Variants in RGS21 observed in about 807,000 individuals in gnomAD.
RGS21 encodes the protein regulator of G-protein signalling 21.
In RGS21, 19 loss-of-function variants were observed where a neutral mutation model predicts 18.7. The ratio of observed to expected loss-of-function variants is 1.01; its 90% CI spans 0.71 to 1.49. RGS21 has a LOEUF of 1.49. Among genes scored for constraint, RGS21 ranks in the 40% most tolerant of loss-of-function variants. The probability of loss-of-function intolerance (pLI) is 0.00; values close to 1 mark genes in which losing one functional copy is unlikely to be tolerated. For missense variants in RGS21, 194 were observed against 176.8 expected, an observed-to-expected ratio of 1.10 and a Z score of -0.55; for synonymous variants, 56 against 57.8, an observed-to-expected ratio of 0.97 and a Z score of 0.14.
chr1:192,355,780 A>T (rs1659103250), intron 4 of RGS21, among the ~76,000 whole-genome samples: 2 of 151,148 alleles, frequency 1.3e-5, no homozygotes, highest in Non-Finnish European at 3.0e-5. Context: ...AAATAATAAT[A>T]TTTTCATATT....
At chr1:192,318,953 G>A (rs955751166) in intron 1 of RGS21, among the ~76,000 whole-genome samples, 1 of 152,052 alleles carries the variant, frequency 6.6e-6, no homozygotes, top group Non-Finnish European at 1.5e-5. Context: ...TTCAAGAGTG[G>A]GTAGAGTGGC....
At chr1:192,324,094 C>A (rs1658532075) in intron 1 of RGS21, among the ~76,000 whole-genome samples, 1 of 151,952 alleles carries the variant, frequency 6.6e-6, no homozygotes, top group Admixed American at 6.6e-5. Flanking sequence ...CACATGTAAT[C>A]ATTATTAACT....
At position 192,366,100 on chromosome 1, in the gene RGS21, TA is replaced by T; in HGVS notation, c.441del (p.Lys147AsnfsTer12). ...TAAATAGCCAACAGGTTCCAAATCA[TA>T]AAAAATGGCTCCCTTTTTTGTGAGG... The part of the protein sequence containing the change: ...LVNSQQVPNH[K>X]KWLPFL On this transcript the variant is annotated frameshift_variant, in exon 5 of 5. Transcript: ENST00000417209. LOFTEE classifies it high-confidence loss of function. The T allele has an allele frequency of 6.2e-7, 1 of 1,606,130 alleles. No individual in the cohort carries two copies. Among genetic ancestry groups the T allele is most frequent in the Non-Finnish European group, 8.5e-7 (1 of 1,175,814 alleles).
intron 2 of RGS21, among the ~76,000 whole-genome samples, chr1:192,345,907 A>G (rs1476412993): frequency 6.6e-6 from 1 of 152,088 alleles, no homozygotes; most frequent in East Asian, 1.9e-4. Context: ...AGAGTACACA[A>G]AATATCTTCA....
chr1:192,359,244 G>C (rs1449432044), intron 4 of RGS21, among the ~76,000 whole-genome samples: 1 of 152,068 alleles, frequency 6.6e-6, no homozygotes, highest in Admixed American at 6.6e-5. Context: ...AGCTATTTAT[G>C]TCAGTAAATA....
At chr1:192,362,893 G>T (rs990194251) in intron 4 of RGS21, among the ~76,000 whole-genome samples, 1 of 151,954 alleles carries the variant, frequency 6.6e-6, no homozygotes, top group Non-Finnish European at 1.5e-5. Flanking sequence ...CAGTGTGCAA[G>T]GCATACTAAA....
At chr1:192,345,700 C>A (rs1330791665) in intron 2 of RGS21, among the ~76,000 whole-genome samples, 1 of 152,032 alleles carries the variant, frequency 6.6e-6, no homozygotes, top group Non-Finnish European at 1.5e-5. Flanking sequence ...TCCTCTCTAT[C>A]CTATTCATTA....
At chr1:192,362,634 C>T (rs530326638) in intron 4 of RGS21, among the ~76,000 whole-genome samples, 1 of 152,284 alleles carries the variant, frequency 6.6e-6, no homozygotes, top group South Asian at 2.1e-4. Context: ...TGATCATCTC[C>T]TGAGAACAGT....
At chr1:192,356,958 T>C (rs1448188058) in intron 4 of RGS21, among the ~76,000 whole-genome samples, 1 of 151,848 alleles carries the variant, frequency 6.6e-6, no homozygotes, top group African/African-American at 2.4e-5. Context: ...CTAAGCATTA[T>C]GCTGGTGCAA....
intron 1 of RGS21, among the ~76,000 whole-genome samples, chr1:192,332,988 T>A (rs1172095832): frequency 6.6e-6 from 1 of 150,840 alleles, no homozygotes; most frequent in Non-Finnish European, 1.5e-5. Context: ...AAATAACAAC[T>A]AACAATTAGA....
intron 3 of RGS21, among the ~76,000 whole-genome samples, chr1:192,351,417 G>A (rs1279817339): frequency 6.6e-6 from 1 of 151,918 alleles, no homozygotes; most frequent in African/African-American, 2.4e-5. Context: ...TTTAGCATCA[G>A]ACTTTGTTTC....
intron 1 of RGS21, among the ~76,000 whole-genome samples, chr1:192,336,119 G>A (rs532944040): frequency 5.9e-5 from 9 of 152,210 alleles, no homozygotes; most frequent in Admixed American, 4.6e-4. Flanking sequence ...ATTTCCTGTA[G>A]CCAGTCTATA....
intron 4 of RGS21, among the ~76,000 whole-genome samples, chr1:192,355,133 G>T (rs143523832): frequency 6.6e-6 from 1 of 151,630 alleles, no homozygotes; most frequent in East Asian, 1.9e-4. Flanking sequence ...TCTAGACCTG[G>T]GTTCAAATCC....
chr1:192,338,782 A>G (rs1658808016), intron 1 of RGS21, among the ~76,000 whole-genome samples: 1 of 152,074 alleles, frequency 6.6e-6, no homozygotes, highest in Non-Finnish European at 1.5e-5. Context: ...GTTACTCTAC[A>G]TTCAGTAGTC....
intron 1 of RGS21, among the ~76,000 whole-genome samples, chr1:192,330,741 C>T (rs1392466888): frequency 1.3e-5 from 2 of 151,932 alleles, no homozygotes; most frequent in Admixed American, 6.6e-5. Context: ...TAAATGTGAG[C>T]GATATCTAAA....
chr1:192,362,844 AT>A (rs1356505929), intron 4 of RGS21, among the ~76,000 whole-genome samples: 2 of 152,076 alleles, frequency 1.3e-5, no homozygotes, highest in African/African-American at 2.4e-5. Context: ...GTATAGAACC[AT>A]TTTTTCACTG....
At chr1:192,344,059 T>A (rs920312713) in intron 2 of RGS21, among the ~76,000 whole-genome samples, 1 of 152,060 alleles carries the variant, frequency 6.6e-6, no homozygotes, top group African/African-American at 2.4e-5. Flanking sequence ...CCATAAGAAA[T>A]GCCCTATTTT....
At chr1:192,341,972 G>A (rs1413069082) in intron 1 of RGS21, among the ~76,000 whole-genome samples, 1 of 151,972 alleles carries the variant, frequency 6.6e-6, no homozygotes, top group Non-Finnish European at 1.5e-5. Flanking sequence ...GGATCGTGCT[G>A]ATTGATGATT....
intron 1 of RGS21, among the ~76,000 whole-genome samples, chr1:192,338,449 T>C (rs1658803779): frequency 6.6e-6 from 1 of 152,128 alleles, no homozygotes. Context: ...ATAATTTGAA[T>C]AGAAACATAA....
Sources: allele counts gnomAD v4.1 joint callset (sites outside exome capture counted in the v4.1 genomes callset), GRCh38; gene constraint gnomAD v4.1.1; transcripts MANE v1.5; gene names NCBI Gene and HGNC (gene_info 2026-07-23, HGNC 2026-07-21).